Variants in GPD2 observed in about 807,000 individuals in gnomAD.
GPD2 encodes the protein glycerol-3-phosphate dehydrogenase 2.
In GPD2, 54 loss-of-function variants were observed where a neutral mutation model predicts 82.4. The observed-to-expected ratio is 0.66, with a 90% CI of 0.53 to 0.82. GPD2 has a LOEUF of 0.82. GPD2 is among the 40% of genes least tolerant of loss of function. The pLI, the probability that GPD2 is intolerant of heterozygous loss-of-function variation, is 0.00. For synonymous variants in GPD2, 288 were observed against 306.1 expected (o/e 0.94, Z 0.62); for missense variants, 748 against 896.2 (o/e 0.83, Z 2.11).
intron 5 of GPD2, among the ~76,000 whole-genome samples, 193 bp downstream of exon 5, chr2:156,512,510 A>G (rs1356329246): frequency 1.3e-5 from 2 of 152,172 alleles, no homozygotes; most frequent in Non-Finnish European, 1.5e-5. Flanking sequence ...CTACTGGCCT[A>G]TCTCTAGATT....
intron 3 of GPD2, among the ~76,000 whole-genome samples, chr2:156,498,904 C>G (rs938436649): frequency 6.6e-6 from 1 of 152,016 alleles, no homozygotes; most frequent in Non-Finnish European, 1.5e-5. Flanking sequence ...GGAGAAGAAC[C>G]TTAATATGCA....
At chr2:156,427,011 T>C in the GPD2 span, among the ~76,000 whole-genome samples, 5 of 152,198 alleles carry the variant, frequency 3.3e-5, no homozygotes, top group African/African-American at 9.7e-5. Flanking sequence ...GAGGGAGAAA[T>C]TGGATTGTGA....
the GPD2 span, among the ~76,000 whole-genome samples, chr2:156,407,771 A>G: frequency 6.6e-6 from 1 of 152,130 alleles, no homozygotes; most frequent in African/African-American, 2.4e-5. Flanking sequence ...TGCAGGATAA[A>G]TTCCTGGGAG....
At chr2:156,445,480 G>C (rs1218845529) in intron 1 of GPD2, among the ~76,000 whole-genome samples, 1 of 152,160 alleles carries the variant, frequency 6.6e-6, no homozygotes, top group Non-Finnish European at 1.5e-5. Flanking sequence ...CAATGATGCT[G>C]AACTTGTTTA....
the GPD2 span, among the ~76,000 whole-genome samples, chr2:156,415,775 A>T: frequency 6.6e-6 from 1 of 152,126 alleles, no homozygotes; most frequent in Non-Finnish European, 1.5e-5. Flanking sequence ...GAATCACTTG[A>T]ACTCAGGAGA....
At chr2:156,478,736 G>A (rs1683612756) in intron 2 of GPD2, among the ~76,000 whole-genome samples, 1 of 152,132 alleles carries the variant, frequency 6.6e-6, no homozygotes, top group Non-Finnish European at 1.5e-5. Flanking sequence ...AGAAGCTGGG[G>A]CCTTAAATGT....
At position 156,457,161 on chromosome 2, in the gene GPD2, G is replaced by C. The variant is rs182601438; in HGVS notation, c.-8-18937G>C. 5.9e-5 allele frequency among the ~76,000 whole-genome samples: 9 copies of C among 152,170 alleles called. No individual in the cohort carries two copies. In the East Asian group the frequency reaches 1.7e-3, roughly 29 times the overall value. On this transcript the variant is annotated intron_variant, in intron 1 of 16. Transcript: ENST00000438166. Reference sequence around the variant, plus strand: ...GGTACTTAGATGGTGTCCAGAGTTTGTGACAGAGCCAGAAAGCAACTCCCC... The same window carrying C: ...GGTACTTAGATGGTGTCCAGAGTTTCTGACAGAGCCAGAAAGCAACTCCCC...
At chr2:156,402,600 T>C in the GPD2 span, among the ~76,000 whole-genome samples, 4 of 152,218 alleles carry the variant, frequency 2.6e-5, no homozygotes, top group Middle Eastern at 3.2e-3. Flanking sequence ...TGGTAAGGCC[T>C]CACTTTCATG....
chr2:156,420,623 A>C, the GPD2 span, among the ~76,000 whole-genome samples: 1 of 152,246 alleles, frequency 6.6e-6, no homozygotes, highest in Non-Finnish European at 1.5e-5. Context: ...ATAAAAACAA[A>C]ACTAATTTCA....
chr2:156,486,517 G>T (rs1683947839), intron 2 of GPD2, among the ~76,000 whole-genome samples: 1 of 152,190 alleles, frequency 6.6e-6, no homozygotes, highest in Non-Finnish European at 1.5e-5. Context: ...ACTTTTTAGG[G>T]ATGTTGTAGA....
chr2:156,519,974 A>G (rs1007406062), intron 6 of GPD2, among the ~76,000 whole-genome samples: 1 of 152,228 alleles, frequency 6.6e-6, no homozygotes, highest in African/African-American at 2.4e-5. Flanking sequence ...CTTGCCCAGC[A>G]TCTGGGAAGA....
At chr2:156,402,459 C>A in the GPD2 span, among the ~76,000 whole-genome samples, 7 of 152,064 alleles carry the variant, frequency 4.6e-5, no homozygotes, top group Non-Finnish European at 1.0e-4. Context: ...TGTGGAAGAA[C>A]AAGGTCAACT....
rs528881314 is a variant in GPD2, at chr2:156,491,323, A to C, written c.103-4721A>C. On this transcript the variant is annotated intron_variant, in intron 2 of 16. Transcript: ENST00000438166. Reference sequence around the variant, plus strand: ...AGTCCATATAGTCTCTGATGCAACTATTCAGCTCTGCTATTATAGTCATGG... The same window carrying C: ...AGTCCATATAGTCTCTGATGCAACTCTTCAGCTCTGCTATTATAGTCATGG... 5.3e-5 allele frequency among the ~76,000 whole-genome samples: 8 copies of C among 152,354 alleles called. No homozygotes were observed. In the South Asian group the frequency reaches 1.4e-3, roughly 28 times the overall value.
chr2:156,477,659 T>C (rs909189754), intron 2 of GPD2, among the ~76,000 whole-genome samples: 2 of 152,220 alleles, frequency 1.3e-5, no homozygotes, highest in Non-Finnish European at 2.9e-5. Context: ...TTTTTATTTT[T>C]TGAATTGACA....
intron 3 of GPD2, among the ~76,000 whole-genome samples, chr2:156,499,826 T>C (rs1684522917): frequency 6.6e-6 from 1 of 151,500 alleles, no homozygotes; most frequent in Admixed American, 6.6e-5. Context: ...TTTTTTTCTA[T>C]TTAAAACAAT....
the GPD2 span, among the ~76,000 whole-genome samples, chr2:156,417,730 T>C: frequency 6.6e-6 from 1 of 152,144 alleles, no homozygotes; most frequent in African/African-American, 2.4e-5. Context: ...AGTAAGTTGA[T>C]TTCCTAATCA....
intron 6 of GPD2, among the ~76,000 whole-genome samples, chr2:156,545,320 T>C (rs1300113070): frequency 6.6e-6 from 1 of 152,314 alleles, no homozygotes; most frequent in East Asian, 1.9e-4. Flanking sequence ...ACTGTGACAC[T>C]CTCAGTCTGA....
At chr2:156,475,765 C>A (rs2105201247) in intron 1 of GPD2, among the ~76,000 whole-genome samples, 1 of 152,296 alleles carries the variant, frequency 6.6e-6, no homozygotes, top group East Asian at 1.9e-4. Context: ...GTATAGCATG[C>A]AGTTTTGTTA....
intron 1 of GPD2, among the ~76,000 whole-genome samples, chr2:156,464,504 T>C (rs1318544236): frequency 6.6e-6 from 1 of 152,180 alleles, no homozygotes; most frequent in Admixed American, 6.5e-5. Flanking sequence ...ACTAGTCAGC[T>C]TTTTTCCTAG....
Sources: gnomAD v4.1 joint callset for allele counts (sites outside exome capture counted in the v4.1 genomes callset) on GRCh38, gnomAD v4.1.1 for gene constraint, MANE v1.5 for transcripts, NCBI Gene and HGNC (gene_info 2026-07-23, HGNC 2026-07-21) for gene names.